Variants in LRRC4C observed in about 807,000 individuals in gnomAD.
LRRC4C encodes leucine-rich repeat-containing protein 4C.
LRRC4C carries 5 observed loss-of-function variants against 33.6 expected under a neutral mutation model. The ratio of observed to expected loss-of-function variants is 0.15; its 90% confidence interval spans 0.08 to 0.31. LRRC4C has a LOEUF of 0.31. LRRC4C is among the 10% of genes least tolerant of loss of function. The pLI is 1.00. For missense variants in LRRC4C, 560 were observed against 796.7 expected, an observed-to-expected ratio of 0.70 and a Z score of 3.58; for synonymous variants, 329 against 302.0, an observed-to-expected ratio of 1.09 and a Z score of -0.93.
At chr11:40,230,829 C>T (rs1274629666) in intron 5 of LRRC4C, among the ~76,000 whole-genome samples, 3 of 152,106 alleles carry the variant, frequency 2.0e-5, no homozygotes, top group African/African-American at 7.2e-5. Flanking sequence ...AGTTTCTAGT[C>T]TTCTCTATTT....
At chr11:40,621,861 A>T (rs1312552043) in intron 3 of LRRC4C, among the ~76,000 whole-genome samples, 1 of 151,868 alleles carries the variant, frequency 6.6e-6, no homozygotes, top group Admixed American at 6.6e-5. Flanking sequence ...CAACTTTATG[A>T]TATAGGTACT....
chr11:40,488,538 T>C (rs528728828), intron 3 of LRRC4C, among the ~76,000 whole-genome samples: 41 of 152,244 alleles, frequency 2.7e-4, no homozygotes, highest in South Asian at 4.1e-4. Flanking sequence ...TATTCTGTAG[T>C]GATTTGGTCC....
intron 2 of LRRC4C, among the ~76,000 whole-genome samples, chr11:40,927,685 C>A (rs773233271): frequency 6.6e-6 from 1 of 151,784 alleles, no homozygotes; most frequent in Admixed American, 6.5e-5. Flanking sequence ...TTATTAAAGC[C>A]TCTTCGGGCA....
chr11:40,258,017 AT>A (rs1439619805), intron 4 of LRRC4C, among the ~76,000 whole-genome samples: 1 of 152,184 alleles, frequency 6.6e-6, no homozygotes, highest in Non-Finnish European at 1.5e-5. Context: ...ACTCTTCGAA[AT>A]TTCTAAAATT....
At chr11:40,412,454 G>T (rs1462460544) in intron 3 of LRRC4C, among the ~76,000 whole-genome samples, 1 of 151,906 alleles carries the variant, frequency 6.6e-6, no homozygotes, top group Non-Finnish European at 1.5e-5. Context: ...GTAATCTTTT[G>T]TTTTTAAATC....
intron 1 of LRRC4C, among the ~76,000 whole-genome samples, chr11:41,457,271 G>A (rs897004006): frequency 6.6e-6 from 1 of 152,086 alleles, no homozygotes; most frequent in African/African-American, 2.4e-5. Context: ...ATTCCAGAAC[G>A]ACATTTTTAA....
chr11:40,627,105 TGGG>T (rs1963013326), intron 3 of LRRC4C, among the ~76,000 whole-genome samples: 2 of 117,968 alleles, frequency 1.7e-5, no homozygotes, highest in African/African-American at 6.6e-5. Flanking sequence ...GTTGGTGGGG[TGGG>T]TCAGGTACTA....
At chr11:40,904,287 T>A in intron 2 of LRRC4C, among the ~76,000 whole-genome samples, 1 of 152,158 alleles carries the variant, frequency 6.6e-6, no homozygotes, top group Admixed American at 6.5e-5. Context: ...AAGTCGTAGG[T>A]CACACATAGA....
At chr11:41,441,345 T>C (rs567873313) in intron 1 of LRRC4C, among the ~76,000 whole-genome samples, 1 of 152,156 alleles carries the variant, frequency 6.6e-6, no homozygotes, top group South Asian at 2.1e-4. Context: ...GCAGAATCAT[T>C]AGCAGTCAGG....
intron 3 of LRRC4C, among the ~76,000 whole-genome samples, chr11:40,577,248 T>A (rs1958230828): frequency 1.3e-5 from 2 of 152,206 alleles, no homozygotes; most frequent in African/African-American, 4.8e-5. Context: ...CTTTACCTAG[T>A]GGAAGATAAA....
At chr11:41,220,104 A>T (rs1376373566) in intron 1 of LRRC4C, among the ~76,000 whole-genome samples, 1 of 152,208 alleles carries the variant, frequency 6.6e-6, no homozygotes, top group Non-Finnish European at 1.5e-5. Context: ...CCTGACTTGT[A>T]TAAATTGCCT....
intron 4 of LRRC4C, among the ~76,000 whole-genome samples, chr11:40,312,041 C>T (rs887368593): frequency 4.0e-5 from 6 of 151,310 alleles, no homozygotes; most frequent in Non-Finnish European, 8.8e-5. Context: ...ATGGATTTCA[C>T]TTATGTCTTG....
At chr11:40,830,599 A>C (rs1447581397) in intron 2 of LRRC4C, among the ~76,000 whole-genome samples, 1 of 152,114 alleles carries the variant, frequency 6.6e-6, no homozygotes, top group Non-Finnish European at 1.5e-5. Flanking sequence ...AAATTGGTGT[A>C]AAATAAAGGA....
At chr11:41,398,334 C>T (rs1233911947) in intron 1 of LRRC4C, among the ~76,000 whole-genome samples, 1 of 151,804 alleles carries the variant, frequency 6.6e-6, no homozygotes, top group Non-Finnish European at 1.5e-5. Flanking sequence ...GTACCACCTA[C>T]AAATATGTGA....
chr11:41,113,408 T>G (rs1267328785), intron 1 of LRRC4C, among the ~76,000 whole-genome samples: 1 of 152,112 alleles, frequency 6.6e-6, no homozygotes, highest in Non-Finnish European at 1.5e-5. Flanking sequence ...TTAAGCAGCA[T>G]GTGTTCTGTC....
Position 40,225,619 on chromosome 11 carries a change from CT to C in LRRC4C, c.-96+15899del, listed in dbSNP as rs34973833. On this transcript the variant is annotated intron_variant, in intron 5 of 6. Transcript: ENST00000528697. Reference sequence around the variant, plus strand: ...ATATTTCCCAATTCTCTCTCTCTCTCTTTTTTTTTTTTTTTGAGACAGAGTC... The same window carrying C: ...ATATTTCCCAATTCTCTCTCTCTCTCTTTTTTTTTTTTTTGAGACAGAGTC... Among the ~76,000 whole-genome samples, 631 of 140,752 alleles carry C rather than the reference CT, an allele frequency of 4.5e-3. 6 individuals carry two copies. The highest frequency in any genetic ancestry group is 0.014 in the African/African-American group (540 of 38,464). 92.3% of individuals were successfully genotyped at this position (140,752 alleles called of 152,430 possible).
intron 2 of LRRC4C, among the ~76,000 whole-genome samples, chr11:40,877,874 C>T (rs1290632357): frequency 6.6e-6 from 1 of 152,124 alleles, no homozygotes; most frequent in African/African-American, 2.4e-5. Flanking sequence ...GAAAGCCAGT[C>T]GACACGTATT....
chr11:40,431,973 C>T (rs1053126005), intron 3 of LRRC4C, among the ~76,000 whole-genome samples: 5 of 152,136 alleles, frequency 3.3e-5, no homozygotes, highest in African/African-American at 9.7e-5. Context: ...AAAAGTCAGC[C>T]ACCTCAACCT....
chr11:40,638,105 G>A (rs924394406), intron 3 of LRRC4C, among the ~76,000 whole-genome samples: 1 of 152,160 alleles, frequency 6.6e-6, no homozygotes, highest in Admixed American at 6.5e-5. Flanking sequence ...TCCCATGCAA[G>A]CACTACCTGT....
Sources: allele counts gnomAD v4.1 joint callset (sites outside exome capture counted in the v4.1 genomes callset), GRCh38; gene constraint gnomAD v4.1.1; transcripts MANE v1.5; gene names NCBI Gene and HGNC (gene_info 2026-07-23, HGNC 2026-07-21).